ARNT: variants seen among roughly 807,000 people sequenced by gnomAD.
ARNT encodes class E basic helix-loop-helix protein 2.
Under a neutral mutation model 105.0 loss-of-function variants are expected in ARNT, and 30 were observed. That is an observed-to-expected ratio of 0.29 (90% CI 0.21 to 0.39). The LOEUF (loss-of-function observed/expected upper bound fraction) is 0.39, where lower values mean the gene tolerates loss of function less well. ARNT is among the 10% of genes least tolerant of loss of function. ARNT has a pLI of 1.00. For synonymous variants in ARNT, 304 were observed against 344.0 expected, an observed-to-expected ratio of 0.88 and a Z score of 1.29; for missense variants, 748 against 978.7, an observed-to-expected ratio of 0.76 and a Z score of 3.15.
At chr1:150,854,149 G>C (rs1664124847) in intron 2 of ARNT, among the ~76,000 whole-genome samples, 1 of 152,168 alleles carries the variant, frequency 6.6e-6, no homozygotes, top group African/African-American at 2.4e-5. Context: ...ACAGTGGCAT[G>C]ATCATAGCTC....
chr1:150,813,998 G>A, intron 20 of ARNT, 79 bp downstream of exon 20: 13 of 1,540,584 alleles, frequency 8.4e-6, no homozygotes, highest in Non-Finnish European at 1.2e-5. Flanking sequence ...CCACAACACA[G>A]GCAAACAACT....
chr1:150,834,137 C>T (rs1049164594), intron 8 of ARNT, among the ~76,000 whole-genome samples: 1 of 151,968 alleles, frequency 6.6e-6, no homozygotes, highest in Non-Finnish European at 1.5e-5. Flanking sequence ...GATGGGGTTT[C>T]ACCATGTTGG....
At chr1:150,867,375 A>AC (rs1208403484) in intron 1 of ARNT, among the ~76,000 whole-genome samples, 7 of 151,882 alleles carry the variant, frequency 4.6e-5, no homozygotes, top group Non-Finnish European at 7.4e-5. Context: ...ATAAATTAAA[A>AC]AAAAAAAAAA....
In ARNT at chr1:150,852,186, TTG is replaced by T. The variant is rs587662842; in HGVS notation, c.182+574_182+575del. Reference sequence around the variant, plus strand: ...ATTACACCTCTCAGTATGTACTTCCTTGTGTAACCCCCTCACACACTCACACC... The same window carrying T: ...ATTACACCTCTCAGTATGTACTTCCTTGTAACCCCCTCACACACTCACACC... On this transcript the variant is annotated intron_variant, in intron 3 of 21. Transcript: ENST00000358595. Among the ~76,000 whole-genome samples the T allele has an allele frequency of 6.2e-3, 945 of 152,316 alleles. 6 individuals carry two copies. The highest frequency in any genetic ancestry group is 0.011 in the Non-Finnish European group (718 of 68,026).
intron 12 of ARNT, among the ~76,000 whole-genome samples, chr1:150,828,400 A>G (rs1354446101): frequency 6.7e-6 from 1 of 148,806 alleles, no homozygotes; most frequent in Non-Finnish European, 1.5e-5. Flanking sequence ...TTTGTTAGAA[A>G]TATTTATTTT....
Position 150,817,954 on chromosome 1 carries a change from G to T in ARNT, c.1471C>A (p.Pro491Thr). ...RPQLGPTANL[P>T]LEMGSGQLAP... is the part of the protein sequence containing the mutation. Reference sequence around the variant, plus strand: ...AGCTGTCCTGAGCCCATCTCCAGGGGTAAATTAGCTGTGGGACCTAGTTGT... The same window carrying T: ...AGCTGTCCTGAGCCCATCTCCAGGGTTAAATTAGCTGTGGGACCTAGTTGT... The change falls in exon 15 of 22, where the codon CCC becomes ACC. Residue 491 changes from proline (P) to threonine (T), a missense_variant. Around this residue, in one of 4 missense-constraint regions of ARNT, gnomAD observed 360 missense variants for 411.9 expected, o/e 0.87. Transcript: ENST00000358595. The T allele has an allele frequency of 6.2e-7, 1 of 1,613,828 alleles. No homozygotes were observed. The highest frequency in any genetic ancestry group is 8.5e-7 in the Non-Finnish European group (1 of 1,179,894).
Position 150,823,219 on chromosome 1 carries a change from T to C in ARNT, c.1369A>G (p.Ile457Val), listed in dbSNP as rs1405165977. 6.2e-7 allele frequency: 1 copy of C among 1,612,696 alleles called. No homozygotes were observed. The highest frequency in any genetic ancestry group is 1.7e-5 in the Admixed American group (1 of 59,898). The change falls in exon 14 of 22, where the codon ATC becomes GTC. Residue 457 changes from isoleucine (I) to valine (V), a missense_variant. Coordinates refer to ENST00000358595, the MANE Select transcript of ARNT (RefSeq NM_001668.4). The part of the protein sequence containing the change: ...QNPYSDEIEY[I>V]ICTNTNVKNS... ...TTCACATTGGTGTTGGTACAGATGA[T>C]GTACTCAATTTCATCTGAGTAAGGG...
intron 3 of ARNT, among the ~76,000 whole-genome samples, chr1:150,850,551 C>T (rs1434182505): frequency 6.6e-6 from 1 of 152,242 alleles, no homozygotes; most frequent in East Asian, 1.9e-4. Context: ...CCCGAGGTGC[C>T]GGGATTGCAG....
chr1:150,839,310 GC>G, intron 6 of ARNT, 130 bp downstream of exon 6: 1 of 804,426 alleles, frequency 1.2e-6, no homozygotes, highest in South Asian at 1.7e-5. Context: ...TAATGTTATA[GC>G]CAAGGATTGA....
intron 3 of ARNT, among the ~76,000 whole-genome samples, chr1:150,851,824 C>A (rs1472046244): frequency 1.3e-5 from 2 of 151,960 alleles, no homozygotes; most frequent in Non-Finnish European, 2.9e-5. Context: ...GCCAAATCCC[C>A]CTCTGCGAGA....
chr1:150,831,582 A>G (rs1270387373), intron 10 of ARNT: 1 of 470,868 alleles, frequency 2.1e-6, no homozygotes, highest in African/African-American at 2.1e-5. Context: ...CATAAAAACC[A>G]CATTCTGTGA....
Position 150,823,312 on chromosome 1 carries a change from T to C in ARNT, c.1276A>G (p.Met426Val). 3.7e-6 allele frequency: 6 copies of C among 1,613,354 alleles called. No homozygotes were observed. The highest frequency in any genetic ancestry group is 2.2e-5 in the East Asian group (1 of 44,862). The change falls in exon 14 of 22, where the codon ATG becomes GTG. Residue 426 changes from methionine to valine, a missense_variant. Met to Val is a conservative substitution (Grantham distance 21). Coordinates refer to ENST00000358595, the MANE Select transcript of ARNT (RefSeq NM_001668.4). The part of the protein sequence containing the change: ...VKLKGQVLSV[M>V]FRFRSKNQEW... The stretch of plus-strand genomic sequence containing the variant: ...TGGTTCTTAGACCGGAACCGGAACA[T>C]GACAGACAGCACTTGGCCTTTTAAT...
chr1:150,865,316 AGAG>A (rs1266381177), intron 1 of ARNT, among the ~76,000 whole-genome samples: 1 of 152,212 alleles, frequency 6.6e-6, no homozygotes, highest in African/African-American at 2.4e-5. Flanking sequence ...GGAAAGAATA[AGAG>A]AAGAAGAGCA....
intron 12 of ARNT, among the ~76,000 whole-genome samples, chr1:150,827,503 G>A (rs960233405): frequency 6.6e-6 from 1 of 152,170 alleles, no homozygotes; most frequent in African/African-American, 2.4e-5. Context: ...TGCATTATCA[G>A]TAGTTTATTC....
intron 1 of ARNT, among the ~76,000 whole-genome samples, chr1:150,874,423 C>A (rs1667945045): frequency 6.6e-6 from 1 of 152,170 alleles, no homozygotes; most frequent in Non-Finnish European, 1.5e-5. Flanking sequence ...CAAAGTGTCT[C>A]ACATCTGTAT....
At chr1:150,845,093 T>A (rs1242054695) in intron 4 of ARNT, among the ~76,000 whole-genome samples, 2 of 151,978 alleles carry the variant, frequency 1.3e-5, no homozygotes, top group African/African-American at 4.8e-5. Context: ...TACAGGCATA[T>A]GCCACCACTC....
chr1:150,816,953 G>C (rs1240585920), intron 17 of ARNT, 63 bp from the exon 18 acceptor site: 3 of 1,599,424 alleles, frequency 1.9e-6, no homozygotes, highest in Non-Finnish European at 2.6e-6. Context: ...AGTTCAGCAA[G>C]TTCCTATTTA....
chr1:150,868,350 G>C (rs986299000), intron 1 of ARNT, among the ~76,000 whole-genome samples: 12 of 152,046 alleles, frequency 7.9e-5, no homozygotes, highest in Non-Finnish European at 1.6e-4. Context: ...GAAGAGAAAA[G>C]TAGAAGCATA....
At chr1:150,832,666 A>C (rs1322881703) in intron 8 of ARNT, among the ~76,000 whole-genome samples, 3 of 152,200 alleles carry the variant, frequency 2.0e-5, no homozygotes, top group Non-Finnish European at 2.9e-5. Flanking sequence ...GATAGTACAT[A>C]TTTTCAGCTT....
Sources: allele counts gnomAD v4.1 joint callset (sites outside exome capture counted in the v4.1 genomes callset), GRCh38; gene constraint gnomAD v4.1.1; regional missense constraint gnomAD v4.1.1; transcripts MANE v1.5; gene names NCBI Gene and HGNC (gene_info 2026-07-23, HGNC 2026-07-21).